Variants in KCNQ3 observed in about 807,000 individuals in gnomAD.
KCNQ3 encodes the protein potassium voltage-gated channel subfamily Q member 3, also known as potassium voltage-gated channel subfamily KQT member 3.
In KCNQ3, 30 loss-of-function variants were observed where a neutral mutation model predicts 92.5. The ratio of observed to expected loss-of-function variants is 0.32; its 90% confidence interval spans 0.24 to 0.44. The LOEUF (loss-of-function observed/expected upper bound fraction) is 0.44, where lower values mean the gene tolerates loss of function less well. Among genes scored for constraint, KCNQ3 ranks in the 20% least tolerant of loss-of-function variants. The probability of loss-of-function intolerance (pLI) is 1.00; values close to 1 mark genes in which losing one functional copy is unlikely to be tolerated. For synonymous variants in KCNQ3, 450 were observed against 468.8 expected (o/e 0.96, Z 0.52); for missense variants, 913 against 1,140.3 (o/e 0.80, Z 2.87).
At chr8:132,339,036 G>A (rs1479639300) in intron 1 of KCNQ3, among the ~76,000 whole-genome samples, 2 of 152,078 alleles carry the variant, frequency 1.3e-5, no homozygotes, top group African/African-American at 4.8e-5. Flanking sequence ...TCCTCTTCCC[G>A]CATTACAAAA....
intron 1 of KCNQ3, chr8:132,187,081 C>G: frequency 2.3e-6 from 1 of 437,980 alleles, no homozygotes; most frequent in South Asian, 1.6e-5. Flanking sequence ...GTACCAGGTT[C>G]CCTGGGTGTC....
At chr8:132,131,013 G>C (rs1824861834) in intron 14 of KCNQ3, among the ~76,000 whole-genome samples, 1 of 151,784 alleles carries the variant, frequency 6.6e-6, no homozygotes, top group Non-Finnish European at 1.5e-5. Context: ...AACTGACAAG[G>C]GTCAGTTAGA....
intron 1 of KCNQ3, among the ~76,000 whole-genome samples, chr8:132,334,237 C>T (rs565915945): frequency 2.6e-5 from 4 of 151,882 alleles, no homozygotes; most frequent in African/African-American, 9.7e-5. Context: ...ATCTCGGAGG[C>T]GGAGGCAGGC....
chr8:132,367,102 A>G (rs1203426567), intron 1 of KCNQ3, among the ~76,000 whole-genome samples: 5 of 152,244 alleles, frequency 3.3e-5, no homozygotes, highest in African/African-American at 1.2e-4. Flanking sequence ...AGAAACAAAC[A>G]TCAGTATATG....
At chr8:132,205,944 G>A (rs1009700435) in intron 1 of KCNQ3, among the ~76,000 whole-genome samples, 1 of 152,116 alleles carries the variant, frequency 6.6e-6, no homozygotes, top group African/African-American at 2.4e-5. Context: ...CTCTTCCCTG[G>A]ACCCAGGGAG....
intron 1 of KCNQ3, among the ~76,000 whole-genome samples, chr8:132,357,264 T>C (rs1023567136): frequency 6.6e-6 from 1 of 152,132 alleles, no homozygotes; most frequent in Admixed American, 6.5e-5. Context: ...AGTGGTTCCT[T>C]TGGAAGGTAA....
In KCNQ3 at chr8:132,433,991, G is replaced by A. The variant is rs1370860438; in HGVS notation, c.386+46156C>T. Among the ~76,000 whole-genome samples, 5 of 152,102 alleles carry A rather than the reference G, an allele frequency of 3.3e-5. No homozygotes were observed. The East Asian group carries it at 5.8e-4, about 18-fold the overall frequency. On this transcript the variant is annotated intron_variant, in intron 1 of 14. Transcript: ENST00000388996. The stretch of plus-strand genomic sequence containing the variant: ...TGGGAGGCCGAGGCGGGCGGATCAC[G>A]AGGTCAGGAGATCGAGACCATCCCG...
chr8:132,141,281 C>A lies in KCNQ3; in HGVS notation c.1313G>T (p.Ser438Ile). 1 of 1,614,188 alleles carries A rather than the reference C, an allele frequency of 6.2e-7. No individual in the cohort carries two copies. The change falls in exon 10 of 15, where the codon AGC becomes ATC. Residue 438 changes from serine (S) to isoleucine (I), a missense_variant. Ser to Ile is a moderately radical substitution (Grantham distance 142). Coordinates refer to ENST00000388996, the MANE Select transcript of KCNQ3 (RefSeq NM_004519.4). ...DRVRLSNPRG[S>I]NTKGKLFTPL... The stretch of plus-strand genomic sequence containing the variant: ...GGTAAATAGCTTTCCTTTAGTATTG[C>A]TACCACGAGGATTAGAAAGGCGAAC...
intron 1 of KCNQ3, among the ~76,000 whole-genome samples, chr8:132,322,723 G>C (rs2130640120): frequency 6.6e-6 from 1 of 152,282 alleles, no homozygotes; most frequent in South Asian, 2.1e-4. Flanking sequence ...AAATATGTTT[G>C]CATGGGAATC....
chr8:132,331,316 A>G (rs1264122172), intron 1 of KCNQ3, among the ~76,000 whole-genome samples: 1 of 152,164 alleles, frequency 6.6e-6, no homozygotes, highest in East Asian at 1.9e-4. Context: ...TCATGCTCTT[A>G]ACTTAGAAAG....
At chr8:132,167,933 C>A (rs1826188155) in intron 8 of KCNQ3, among the ~76,000 whole-genome samples, 1 of 152,206 alleles carries the variant, frequency 6.6e-6, no homozygotes, top group Admixed American at 6.5e-5. Flanking sequence ...TCTGCCCATT[C>A]TAAGAAGACT....
chr8:132,249,015 G>A (rs1815292746), intron 1 of KCNQ3, among the ~76,000 whole-genome samples: 1 of 152,128 alleles, frequency 6.6e-6, no homozygotes, highest in Admixed American at 6.5e-5. Context: ...TGTTCCTTCT[G>A]ATGTTTGGAT....
chr8:132,468,011 C>G (rs1822213759), intron 1 of KCNQ3, among the ~76,000 whole-genome samples: 1 of 152,222 alleles, frequency 6.6e-6, no homozygotes, highest in Non-Finnish European at 1.5e-5. Context: ...AGTTCCGTTC[C>G]AGCTCCAACA....
chr8:132,328,688 T>C (rs1818136802), intron 1 of KCNQ3, among the ~76,000 whole-genome samples: 1 of 152,162 alleles, frequency 6.6e-6, no homozygotes, highest in African/African-American at 2.4e-5. Flanking sequence ...TAATGTTCAG[T>C]AAATACCATT....
chr8:132,225,508 T>C (rs943011655), intron 1 of KCNQ3, among the ~76,000 whole-genome samples: 8 of 152,196 alleles, frequency 5.3e-5, no homozygotes, highest in Non-Finnish European at 1.0e-4. Context: ...AACCAAGAAC[T>C]GGGACAATAT....
intron 1 of KCNQ3, among the ~76,000 whole-genome samples, chr8:132,196,782 G>C (rs1827309284): frequency 6.6e-6 from 1 of 152,182 alleles, no homozygotes; most frequent in Non-Finnish European, 1.5e-5. Flanking sequence ...GGAGGGTCTG[G>C]AAAGGCTTTC....
chr8:132,221,658 G>T (rs542810301), intron 1 of KCNQ3, among the ~76,000 whole-genome samples: 80 of 152,132 alleles, frequency 5.3e-4, no homozygotes, highest in African/African-American at 1.8e-3. Flanking sequence ...CTTTTTGGTG[G>T]GGTTGTTTGT....
intron 1 of KCNQ3, among the ~76,000 whole-genome samples, chr8:132,451,484 A>G (rs12542971): frequency 0.11 from 16,986 of 152,250 alleles, 996 homozygotes; most frequent in African/African-American, 0.12. Context: ...GACACACTGC[A>G]CATTCTATTT....
In KCNQ3 at chr8:132,365,639, A is replaced by AAGT. The variant is rs546113289; in HGVS notation, c.386+114505_386+114507dup. 3.9e-3 allele frequency among the ~76,000 whole-genome samples: 592 copies of AAGT among 152,320 alleles called. 2 individuals carry two copies. The highest frequency in any genetic ancestry group is 0.013 in the African/African-American group (550 of 41,574). On this transcript the variant is annotated intron_variant, in intron 1 of 14. Coordinates refer to ENST00000388996, the MANE Select transcript of KCNQ3 (RefSeq NM_004519.4). ...AATGATAATAATTGTACATGCCTCAAAGTTTGTTGTCAAGTAAATGAATGC... is the reference window on the plus strand; with the variant it reads ...AATGATAATAATTGTACATGCCTCAAAGTAGTTTGTTGTCAAGTAAATGAATGC...
Sources: allele counts gnomAD v4.1 joint callset (sites outside exome capture counted in the v4.1 genomes callset), GRCh38; gene constraint gnomAD v4.1.1; transcripts MANE v1.5; gene names NCBI Gene and HGNC (gene_info 2026-07-23, HGNC 2026-07-21).